The following LRP6 variants were observed in gnomAD, a reference collection of about 807,000 sequenced individuals.
The protein encoded by LRP6 is LDL receptor related protein 6.
In LRP6, 43 loss-of-function variants were observed where a neutral mutation model predicts 184.1. That is an observed-to-expected ratio of 0.23 (90% confidence interval 0.18 to 0.30). The LOEUF (loss-of-function observed/expected upper bound fraction) is 0.30. Among genes scored for constraint, LRP6 ranks in the 10% least tolerant of loss-of-function variants. The pLI is 1.00. For synonymous variants in LRP6, 719 were observed against 684.9 expected (o/e 1.05, Z -0.78); for missense variants, 1,571 against 2,005.3 (o/e 0.78, Z 4.14).
At chr12:12,257,615 G>C (rs548953163) in intron 1 of LRP6, among the ~76,000 whole-genome samples, 47 of 143,176 alleles carry the variant, frequency 3.3e-4, no homozygotes, top group African/African-American at 1.1e-3. Flanking sequence ...TTGATAGAAA[G>C]GGCTTAATGA....
chr12:12,212,742 TAGAG>T (rs1217098788), intron 2 of LRP6, among the ~76,000 whole-genome samples: 27 of 152,248 alleles, frequency 1.8e-4, no homozygotes, highest in African/African-American at 6.5e-4. Context: ...AATGGTCTCA[TAGAG>T]AGAATTTTAT....
intron 6 of LRP6, among the ~76,000 whole-genome samples, chr12:12,180,548 G>A (rs144909121): frequency 6.6e-6 from 1 of 151,994 alleles, no homozygotes; most frequent in African/African-American, 2.4e-5. Context: ...TACTTCCCTG[G>A]ACTATGATCA....
In LRP6 at chr12:12,117,057, T is replaced by C. The variant is rs1949528595; in HGVS notation, c.*4069A>G. 6.6e-6 allele frequency: 1 copy of C among 152,238 alleles called. No individual in the cohort carries two copies. Among genetic ancestry groups the C allele is most frequent in the Non-Finnish European group, 1.5e-5 (1 of 68,050 alleles). The allele number at this position is 152,238 out of a possible 1,614,324, so 9.4% of individuals were successfully genotyped here. ...TTCAAAAGCTAAATTTTGAAACTAT[T>C]ATAAAATGGTGCCATCCCAAAAGTC... On this transcript the variant is annotated 3_prime_UTR_variant, in exon 23 of 23. Coordinates refer to ENST00000261349, the MANE Select transcript of LRP6 (RefSeq NM_002336.3).
intron 15 of LRP6, among the ~76,000 whole-genome samples, chr12:12,144,369 C>T (rs1212019599): frequency 6.6e-6 from 1 of 152,228 alleles, no homozygotes; most frequent in Non-Finnish European, 1.5e-5. Context: ...GCCTGCCAGG[C>T]ATGGTGGCTC....
intron 7 of LRP6, among the ~76,000 whole-genome samples, chr12:12,169,234 G>GATAATA (rs544964479): frequency 0.07 from 10,450 of 148,686 alleles, 442 homozygotes; most frequent in Admixed American, 0.1. Context: ...GCCTCAAAAT[G>GATAATA]ATAATAATAA....
At chr12:12,260,881 A>G (rs11054752) in intron 1 of LRP6, among the ~76,000 whole-genome samples, 122,967 of 152,188 alleles carry the variant, frequency 0.81, 49,796 homozygotes, top group East Asian at 0.83. Flanking sequence ...CGATGAAAAT[A>G]ATCTTTCTCA....
In LRP6 at chr12:12,172,773, G is replaced by C. The variant is rs117989098; in HGVS notation, c.1545+7037C>G. Among the ~76,000 whole-genome samples the C allele has an allele frequency of 1.2e-3, 182 of 152,102 alleles. 2 individuals are homozygous for C. The East Asian group carries it at 0.029, about 24-fold the overall frequency. Reference sequence around the variant, plus strand: ...TTTAAAACACAGAATATTTATCCACGGAAATAACATTTCAATCATGCCAAA... The same window carrying C: ...TTTAAAACACAGAATATTTATCCACCGAAATAACATTTCAATCATGCCAAA... On this transcript the variant is annotated intron_variant, in intron 7 of 22. Coordinates refer to ENST00000261349, the MANE Select transcript of LRP6 (RefSeq NM_002336.3).
At chr12:12,132,111 G>A in intron 17 of LRP6, 54 bp from the exon 18 acceptor site, 1 of 1,139,946 alleles carries the variant, frequency 8.8e-7, no homozygotes, top group Non-Finnish European at 1.3e-6. Flanking sequence ...TGGTCACACA[G>A]AAGTACAAAC....
At chr12:12,151,487 A>G (rs1950079474) in intron 12 of LRP6, among the ~76,000 whole-genome samples, 1 of 151,994 alleles carries the variant, frequency 6.6e-6, no homozygotes, top group East Asian at 1.9e-4. Flanking sequence ...GGAAAAAAAA[A>G]AAAAAAAGAA....
At position 12,147,378 on chromosome 12, in the gene LRP6, T is replaced by G; in HGVS notation, c.3385A>C (p.Ser1129Arg). ...ADSDLRRIES[S>R]DLSGANRIVL... ...ATTTCTTGGGTACCTGAGAGATCACTGCTTTCAATTCGCCGGAGATCTGAA... is the reference window on the plus strand; with the variant it reads ...ATTTCTTGGGTACCTGAGAGATCACGGCTTTCAATTCGCCGGAGATCTGAA... Residue 1129 changes from serine to arginine, a missense_variant, in exon 15 of 23, where the codon AGT (serine) becomes CGT (arginine). By Grantham distance (110) the Ser-to-Arg change is moderately radical. Around this residue, in one of 4 missense-constraint regions of LRP6, gnomAD observed 763 missense variants for 859.5 expected, o/e 0.89. Transcript: ENST00000261349. 6.2e-7 allele frequency: 1 copy of G among 1,614,182 alleles called. No homozygotes were observed. The highest frequency in any genetic ancestry group is 8.5e-7 in the Non-Finnish European group (1 of 1,180,008).
intron 3 of LRP6, among the ~76,000 whole-genome samples, chr12:12,189,245 C>T (rs889088821): frequency 2.0e-5 from 3 of 152,182 alleles, no homozygotes; most frequent in Non-Finnish European, 2.9e-5. Flanking sequence ...ATTTCTTCAT[C>T]TGTCAACGGA....
chr12:12,212,194 A>G (rs1023411455), intron 2 of LRP6, among the ~76,000 whole-genome samples: 1 of 152,236 alleles, frequency 6.6e-6, no homozygotes, highest in Middle Eastern at 3.4e-3. Context: ...CCCTATCCTA[A>G]AACAATCTAG....
chr12:12,246,171 AT>A (rs1221556399), intron 1 of LRP6, among the ~76,000 whole-genome samples: 2 of 151,350 alleles, frequency 1.3e-5, no homozygotes, highest in East Asian at 2.0e-4. Flanking sequence ...GGTCCGGCTA[AT>A]TTTTTGTATT....
At chr12:12,215,518 C>T (rs1429071019) in intron 2 of LRP6, among the ~76,000 whole-genome samples, 4 of 151,572 alleles carry the variant, frequency 2.6e-5, no homozygotes, top group South Asian at 2.1e-4. Context: ...CTCTGCCTCC[C>T]GAGTTCAAAC....
At chr12:12,159,343 A>G (rs1222463682) in intron 11 of LRP6, among the ~76,000 whole-genome samples, 188 bp from the exon 12 acceptor site, 1 of 143,670 alleles carries the variant, frequency 7.0e-6, no homozygotes, top group African/African-American at 2.5e-5. Context: ...AAATCAATCT[A>G]TCTTCTGACC....
chr12:12,187,203 T>G, intron 3 of LRP6, 84 bp from the exon 4 acceptor site: 1 of 1,101,340 alleles, frequency 9.1e-7, no homozygotes, highest in South Asian at 1.3e-5. Flanking sequence ...TAAAATGATC[T>G]TAGTTCACAT....
At chr12:12,149,267 G>C in intron 13 of LRP6, 114 bp from the exon 14 acceptor site, 1 of 817,762 alleles carries the variant, frequency 1.2e-6, no homozygotes. Context: ...GCTCTCTCAA[G>C]TCTTAAGGAG....
At chr12:12,263,550 C>CCA (rs1555129208) in intron 1 of LRP6, among the ~76,000 whole-genome samples, 1 of 135,884 alleles carries the variant, frequency 7.4e-6, no homozygotes, top group Non-Finnish European at 1.6e-5. Flanking sequence ...GAATCCGTCT[C>CCA]AAAAAAAAAA....
At chr12:12,196,610 C>T (rs1388923602) in intron 3 of LRP6, among the ~76,000 whole-genome samples, 8 of 150,368 alleles carry the variant, frequency 5.3e-5, no homozygotes, top group South Asian at 2.1e-4. Flanking sequence ...TTTGGTAGAG[C>T]GTTCAAGTCT....
Sources: allele counts gnomAD v4.1 joint callset (sites outside exome capture counted in the v4.1 genomes callset), GRCh38; gene constraint gnomAD v4.1.1; regional missense constraint gnomAD v4.1.1; transcripts MANE v1.5; gene names NCBI Gene and HGNC (gene_info 2026-07-23, HGNC 2026-07-21).